The following GRIN2D variants were observed in gnomAD, a reference collection of about 807,000 sequenced individuals.
The protein encoded by GRIN2D is glutamate ionotropic receptor NMDA type subunit 2D.
GRIN2D carries 37 observed loss-of-function variants against 103.2 expected under a neutral mutation model. That is an observed-to-expected ratio of 0.36 (90% CI 0.28 to 0.47). The LOEUF is 0.47. Ranked by LOEUF, GRIN2D falls within the 20% of genes least tolerant of loss-of-function variation. GRIN2D has a pLI of 1.00. For synonymous variants in GRIN2D, 845 were observed against 885.6 expected (o/e 0.95, Z 0.81); for missense variants, 1,557 against 1,910.6 (o/e 0.81, Z 3.45).
Position 48,393,738 on chromosome 19 carries a change from C to T in GRIN2D, c.-436C>T, listed in dbSNP as rs940266595. Among the ~76,000 whole-genome samples the T allele has an allele frequency of 2.9e-4, 44 of 152,108 alleles. No individual in the cohort carries two copies. The highest frequency in any genetic ancestry group is 9.7e-4 in the African/African-American group (40 of 41,408). ...TCCCTCCCGCTCCAGCTCCTCCAAG[C>T]CGCGGCCGCCGCCGCCACCCTCGCC... is the stretch of plus-strand genomic sequence containing the variant. On this transcript the variant is annotated 5_prime_UTR_variant, in exon 1 of 14. Transcript: ENST00000263269. The surrounding 1 kb of genome is among the most constrained non-coding windows in gnomAD (Gnocchi z 5.6).
intron 4 of GRIN2D, among the ~76,000 whole-genome samples, chr19:48,409,895 C>T (rs898482217): frequency 6.6e-6 from 1 of 151,828 alleles, no homozygotes; most frequent in African/African-American, 2.4e-5. Context: ...AGTGATTGTC[C>T]TGCCTCAGCC....
chr19:48,416,745 C>CTTTT (rs56292890), intron 8 of GRIN2D, among the ~76,000 whole-genome samples: 6,144 of 141,104 alleles, frequency 0.044, 185 homozygotes, highest in Non-Finnish European at 0.069. Flanking sequence ...CTCTCTCTCT[C>CTTTT]TTTTTTTTTT....
Position 48,442,731 on chromosome 19 carries a change from C to T in GRIN2D, c.2805C>T (p.Arg935=). The change falls in exon 14 of 14, where the codon CGC becomes CGT. Residue 935 remains arginine (R), a synonymous_variant. Coordinates refer to ENST00000263269, the MANE Select transcript of GRIN2D (RefSeq NM_000836.4). This position sits in a 1 kb window ranked among gnomAD's most constrained non-coding sequence, Gnocchi z 7.2. ...PAPGPAPFVP[R]ERASVDRWRR... is the part of the protein sequence containing the mutation. ...CCGGGCCCGCACCTTTCGTGCCCCG[C>T]GAGCGCGCCTCAGTGGACCGCTGGC... is the stretch of plus-strand genomic sequence containing the variant. The T allele has an allele frequency of 1.8e-6, 2 of 1,110,760 alleles. No individual in the cohort carries two copies. Among genetic ancestry groups the T allele is most frequent in the Non-Finnish European group, 2.2e-6 (2 of 909,800 alleles). The allele number at this position is 1,110,760 out of a possible 1,614,324, so 68.8% of individuals were successfully genotyped here.
rs749820198 is a variant in GRIN2D at position 48,405,088 on chromosome 19, A to G, written c.820A>G (p.Met274Val). ...CACTGGATCTGGCTACGTCTGGTTC[A>G]TGGTGGGGCCCCAGCTGGCTGGAGG... ...GLTGSGYVWF[M>V]VGPQLAGGGG... Residue 274 changes from methionine to valine, a missense_variant, in exon 4 of 14, where the codon ATG becomes GTG. By Grantham distance (21) the Met-to-Val change is conservative. This residue lies in a region of GRIN2D where 490 missense variants were observed against 601.1 expected (regional missense o/e 0.82). Transcript: ENST00000263269. The surrounding 1 kb of genome is among the most constrained non-coding windows in gnomAD (Gnocchi z 5.1). 1.9e-6 allele frequency: 3 copies of G among 1,599,124 alleles called. No individual in the cohort carries two copies. The South Asian group carries it at 3.4e-5, about 18-fold the overall frequency.
At chr19:48,416,527 C>T (rs1018828066) in intron 8 of GRIN2D, among the ~76,000 whole-genome samples, 3 of 152,154 alleles carry the variant, frequency 2.0e-5, no homozygotes, top group African/African-American at 4.8e-5. Flanking sequence ...TTTTCCTGTA[C>T]TAGGTATGAG....
intron 9 of GRIN2D, 57 bp from the exon 10 acceptor site, chr19:48,419,528 T>A: frequency 8.3e-7 from 1 of 1,209,106 alleles, no homozygotes; most frequent in Non-Finnish European, 1.2e-6. Flanking sequence ...TTTTTTTTTT[T>A]CCCTTCCTTA....
intron 3 of GRIN2D, among the ~76,000 whole-genome samples, chr19:48,401,427 G>T (rs1160001851): frequency 2.6e-5 from 4 of 152,208 alleles, no homozygotes; most frequent in African/African-American, 9.6e-5. Flanking sequence ...GTCAGGGGAG[G>T]CCTCCCTGAG....
At chr19:48,402,646 A>G (rs987602354) in intron 3 of GRIN2D, among the ~76,000 whole-genome samples, 15 of 144,310 alleles carry the variant, frequency 1.0e-4, no homozygotes, top group Admixed American at 2.3e-4. Context: ...GAACCCGGGA[A>G]GCGGAGCTTT....
rs1488927651 is a variant in GRIN2D, at chr19:48,444,362, A to G, written c.*425A>G. On this transcript the variant is annotated 3_prime_UTR_variant, in exon 14 of 14. Coordinates refer to ENST00000263269, the MANE Select transcript of GRIN2D (RefSeq NM_000836.4). This position sits in a 1 kb window ranked among gnomAD's most constrained non-coding sequence, Gnocchi z 5.5. ...TAACCTTTCATCCATTGGGACTCAA[A>G]ACTGTGAGACGCGTTCGCCAAACTG... The G allele has an allele frequency of 6.4e-6, 1 of 157,136 alleles. No individual in the cohort carries two copies. Among genetic ancestry groups the G allele is most frequent in the Non-Finnish European group, 1.4e-5 (1 of 71,526 alleles). 9.7% of individuals were successfully genotyped at this position (157,136 alleles called of 1,614,324 possible).
rs1390447209 is a variant in GRIN2D, at chr19:48,414,504, C to T, written c.1332C>T (p.Ile444=). Residue 444 remains isoleucine (I), a synonymous_variant, in exon 6 of 14, where the codon ATC becomes ATT. Transcript: ENST00000263269. This position sits in a 1 kb window ranked among gnomAD's most constrained non-coding sequence, Gnocchi z 4.6. ...CGCTGGAGGAAAGGCCGTTTGTCAT[C>T]GTGGAGCCTGCAGACCCTATCAGCG... is the stretch of plus-strand genomic sequence containing the variant. ...VATLEERPFV[I]VEPADPISGT... is the part of the protein sequence containing the mutation. The T allele has an allele frequency of 8.9e-6, 14 of 1,578,620 alleles. No homozygotes were observed. In the African/African-American group the frequency reaches 1.5e-4, roughly 17 times the overall value.
At position 48,433,543 on chromosome 19, in the gene GRIN2D, C is replaced by A. The variant is rs1044809998; in HGVS notation, c.2253-8226C>A. On this transcript the variant is annotated intron_variant, in intron 11 of 13. Coordinates refer to ENST00000263269, the MANE Select transcript of GRIN2D (RefSeq NM_000836.4). Reference sequence around the variant, plus strand: ...GGCTCGCAGGCCAAACGTGGGCTCACCCTACCGCTTCCGGCAAGTAACCCC... The same window carrying A: ...GGCTCGCAGGCCAAACGTGGGCTCAACCTACCGCTTCCGGCAAGTAACCCC... Among the ~76,000 whole-genome samples, 6 of 152,296 alleles carry A rather than the reference C, an allele frequency of 3.9e-5. No homozygotes were observed. In the South Asian group the frequency reaches 1.2e-3, roughly 32 times the overall value.
At chr19:48,399,797 A>C (rs532820770) in intron 3 of GRIN2D, among the ~76,000 whole-genome samples, 84 of 148,158 alleles carry the variant, frequency 5.7e-4, no homozygotes, top group Non-Finnish European at 7.9e-4. Flanking sequence ...AAGGGGTAGA[A>C]CCAGGAAGCA....
At chr19:48,409,114 AG>A (rs1274850149) in intron 4 of GRIN2D, among the ~76,000 whole-genome samples, 1 of 151,992 alleles carries the variant, frequency 6.6e-6, no homozygotes, top group Non-Finnish European at 1.5e-5. Flanking sequence ...ACATGGTAGA[AG>A]GGCAAAGAGA....
chr19:48,405,128 C>G lies in GRIN2D; in HGVS notation c.860C>G (p.Ala287Gly). 1 of 1,575,720 alleles carries G rather than the reference C, an allele frequency of 6.3e-7. No individual in the cohort carries two copies. Among genetic ancestry groups the G allele is most frequent in the East Asian group, 2.3e-5 (1 of 42,934 alleles). ...PQLAGGGGSG[A>G]PGEPPLLPGG... ...CTGGCTGGAGGCGGGGGCTCTGGGG[C>G]CCCTGGTGAGCCCCCTCTTCTGCCA... is the stretch of plus-strand genomic sequence containing the variant. Residue 287 changes from alanine (A) to glycine (G), a missense_variant, in exon 4 of 14, where the codon GCC becomes GGC. Ala to Gly is a moderately conservative substitution (Grantham distance 60). This residue lies in a region of GRIN2D where 490 missense variants were observed against 601.1 expected (regional missense o/e 0.82). Transcript: ENST00000263269. This position sits in a 1 kb window ranked among gnomAD's most constrained non-coding sequence, Gnocchi z 5.1.
chr19:48,396,961 C>G (rs1970650995), intron 2 of GRIN2D, among the ~76,000 whole-genome samples: 1 of 152,152 alleles, frequency 6.6e-6, no homozygotes, highest in African/African-American at 2.4e-5. Context: ...CCCTCAGTCC[C>G]AGGCAGGACC....
intron 8 of GRIN2D, among the ~76,000 whole-genome samples, chr19:48,417,622 T>C (rs1355112867): frequency 6.6e-6 from 1 of 152,136 alleles, no homozygotes; most frequent in East Asian, 1.9e-4. Context: ...TGCACCAAGG[T>C]CTCTGCAGGG....
chr19:48,422,981 C>A (rs145062937), intron 11 of GRIN2D, among the ~76,000 whole-genome samples: 2 of 152,004 alleles, frequency 1.3e-5, no homozygotes, highest in African/African-American at 4.8e-5. Context: ...GAGGCCGAGA[C>A]GGGCAGATCA....
intron 11 of GRIN2D, among the ~76,000 whole-genome samples, chr19:48,426,157 G>A (rs1384498209): frequency 6.6e-6 from 1 of 150,852 alleles, no homozygotes; most frequent in Non-Finnish European, 1.5e-5. Flanking sequence ...GTTATTGCCA[G>A]TGTTTGGCCA....
At chr19:48,434,935 T>C (rs937073860) in intron 11 of GRIN2D, among the ~76,000 whole-genome samples, 3 of 152,184 alleles carry the variant, frequency 2.0e-5, no homozygotes, top group Admixed American at 2.0e-4. Context: ...AGGAATATAA[T>C]TTATTTCACA....
Sources: allele counts gnomAD v4.1 joint callset (sites outside exome capture counted in the v4.1 genomes callset), GRCh38; gene constraint gnomAD v4.1.1; regional missense constraint gnomAD v4.1.1; non-coding constraint Gnocchi (gnomAD v3.1); transcripts MANE v1.5; gene names NCBI Gene and HGNC (gene_info 2026-07-23, HGNC 2026-07-21).